The following AHCY variants were observed in gnomAD, a reference collection of about 807,000 sequenced individuals.
The protein encoded by AHCY is adenosylhomocysteinase.
Under a neutral mutation model 45.4 loss-of-function variants are expected in AHCY, and 24 were observed. The observed-to-expected ratio is 0.53, with a 90% CI of 0.38 to 0.74. The LOEUF (loss-of-function observed/expected upper bound fraction) is 0.74, where lower values mean the gene tolerates loss of function less well. AHCY is among the 30% of genes least tolerant of loss of function. The pLI, the probability that AHCY is intolerant of heterozygous loss-of-function variation, is 0.00. For synonymous variants in AHCY, 245 were observed against 235.1 expected (o/e 1.04, Z -0.39); for missense variants, 449 against 594.1 (o/e 0.76, Z 2.54).
intron 9 of AHCY, among the ~76,000 whole-genome samples, chr20:34,284,437 C>T (rs2122724788): frequency 6.6e-6 from 1 of 152,250 alleles, no homozygotes; most frequent in Non-Finnish European, 1.5e-5. Context: ...GCTGGGATTA[C>T]AGGTGTGAGC....
downstream of AHCY, among the ~76,000 whole-genome samples, chr20:34,279,181 G>A (rs1250207190): frequency 1.4e-4 from 21 of 150,920 alleles, no homozygotes; most frequent in Non-Finnish European, 2.4e-4. Context: ...TTGGGTGGCC[G>A]AGGCGGGTGG....
intron 3 of AHCY, chr20:34,293,379 C>T (rs1033237380): frequency 6.4e-6 from 1 of 157,362 alleles, no homozygotes; most frequent in African/African-American, 2.4e-5. Flanking sequence ...ACAACTGGAG[C>T]AGACAATAGT....
chr20:34,274,510 G>GCT, the AHCY span, among the ~76,000 whole-genome samples: 6 of 152,102 alleles, frequency 3.9e-5, no homozygotes, highest in Non-Finnish European at 8.8e-5. Flanking sequence ...TGACTCCCCA[G>GCT]CTCTCTAATG....
At chr20:34,278,892 T>C (rs2035935725), downstream of AHCY, among the ~76,000 whole-genome samples, 1 of 148,448 alleles carries the variant, frequency 6.7e-6, no homozygotes, top group South Asian at 2.1e-4. Context: ...GCAGATCACC[T>C]GAGGTTAGGA....
At chr20:34,306,279 G>A (rs930504473), upstream of AHCY, among the ~76,000 whole-genome samples, 4 of 151,970 alleles carry the variant, frequency 2.6e-5, no homozygotes, top group Non-Finnish European at 5.9e-5. Context: ...AAGCACCTTA[G>A]TCTGGCCTTA....
intron 8 of AHCY, among the ~76,000 whole-genome samples, chr20:34,287,303 C>T (rs1444039789): frequency 6.6e-6 from 1 of 152,094 alleles, no homozygotes; most frequent in Non-Finnish European, 1.5e-5. Flanking sequence ...ATGGATGCTG[C>T]ACTAGGGGTC....
rs1469427255 is a variant in AHCY, at chr20:34,292,523, C to T, written c.296-16G>A. ...CAGGCATACACTGGAGGGTGAGTGG[C>T]ACATCAGGGCCTGGACTTCCCAACT... On this transcript the variant is annotated splice_polypyrimidine_tract_variant and intron_variant, in intron 3 of 9. Transcript: ENST00000217426. 1 of 1,613,594 alleles carries T rather than the reference C, an allele frequency of 6.2e-7. No individual in the cohort carries two copies. Among genetic ancestry groups the T allele is most frequent in the Non-Finnish European group, 8.5e-7 (1 of 1,179,982 alleles).
At chr20:34,277,288 CACA>C (rs1382416149), downstream of AHCY, among the ~76,000 whole-genome samples, 5 of 152,220 alleles carry the variant, frequency 3.3e-5, no homozygotes, top group Non-Finnish European at 5.9e-5. Context: ...CCGGATAAGT[CACA>C]ACTTCTCTGG....
the AHCY span, among the ~76,000 whole-genome samples, chr20:34,260,780 G>A: frequency 2.6e-5 from 4 of 152,218 alleles, no homozygotes; most frequent in Non-Finnish European, 2.9e-5. Flanking sequence ...TAAGACACTT[G>A]GTGAACTTTG....
At chr20:34,248,407 A>G in the AHCY span, among the ~76,000 whole-genome samples, 12 of 152,190 alleles carry the variant, frequency 7.9e-5, no homozygotes, top group Non-Finnish European at 1.3e-4. Context: ...GCCACAGCTC[A>G]TTTTCAGTCA....
At chr20:34,273,457 C>A in the AHCY span, among the ~76,000 whole-genome samples, 1 of 152,152 alleles carries the variant, frequency 6.6e-6, no homozygotes, top group Non-Finnish European at 1.5e-5. Flanking sequence ...AATCCCAGAA[C>A]GGTGATCAAA....
the AHCY span, among the ~76,000 whole-genome samples, chr20:34,262,623 G>T: frequency 6.6e-6 from 1 of 152,114 alleles, no homozygotes; most frequent in African/African-American, 2.4e-5. Flanking sequence ...TTCCCTCAGA[G>T]GACACGTTGC....
At chr20:34,269,092 C>T in the AHCY span, 2 of 1,572,490 alleles carry the variant, frequency 1.3e-6, no homozygotes, top group Non-Finnish European at 1.7e-6. Context: ...CCGCCTGCTG[C>T]GACCCGTGCG....
chr20:34,250,800 C>T, the AHCY span, among the ~76,000 whole-genome samples: 4 of 152,200 alleles, frequency 2.6e-5, no homozygotes, highest in Admixed American at 2.0e-4. Flanking sequence ...CTTAGCCATG[C>T]CACATGACTG....
chr20:34,235,853 G>A, the AHCY span, among the ~76,000 whole-genome samples: 5 of 46,016 alleles, frequency 1.1e-4, no homozygotes, highest in African/African-American at 1.6e-3. Context: ...AGGAAGGAAG[G>A]AAGGAAGGAA....
chr20:34,281,076 C>T lies in AHCY; in HGVS notation c.1257G>A (p.Met419Ile). 6.2e-7 allele frequency: 1 copy of T among 1,614,198 alleles called. No homozygotes were observed. Among genetic ancestry groups the T allele is most frequent in the Non-Finnish European group, 8.5e-7 (1 of 1,180,040 alleles). ...LTEKQAQYLG[M>I]SCDGPFKPDH... ...CCGGCTTGAAGGGGCCATCACAGGA[C>T]ATGCCCAGGTACTGGGCTTGCTTCT... The change falls in exon 10 of 10, where the codon ATG becomes ATA. Residue 419 changes from methionine (M) to isoleucine (I), a missense_variant. Met to Ile is a conservative substitution (Grantham distance 10, BLOSUM62 1). Coordinates refer to ENST00000217426, the MANE Select transcript of AHCY (RefSeq NM_000687.4).
At chr20:34,267,459 CAAA>C in the AHCY span, among the ~76,000 whole-genome samples, 3 of 46,276 alleles carry the variant, frequency 6.5e-5, no homozygotes, top group Admixed American at 2.6e-4. Flanking sequence ...AACTGGCTCT[CAAA>C]AAAAAAAAAA....
chr20:34,302,825 A>G, intron 1 of AHCY: 1 of 1,034,474 alleles, frequency 9.7e-7, no homozygotes, highest in Non-Finnish European at 1.2e-6. Flanking sequence ...CCGTCCCTGT[A>G]GGAGGCCCAG....
chr20:34,304,297 A>G (rs1435142961), upstream of AHCY, among the ~76,000 whole-genome samples: 1 of 152,180 alleles, frequency 6.6e-6, no homozygotes. Context: ...AGGCATGGGA[A>G]GGGGAAATTG....
Sources: allele counts gnomAD v4.1 joint callset (sites outside exome capture counted in the v4.1 genomes callset), GRCh38; gene constraint gnomAD v4.1.1; transcripts MANE v1.5; gene names NCBI Gene and HGNC (gene_info 2026-07-23, HGNC 2026-07-21).